Variants in DLGAP2 observed in about 807,000 individuals in gnomAD.
DLGAP2 encodes the protein disks large-associated protein 2.
DLGAP2 carries 26 observed loss-of-function variants against 100.3 expected under a neutral mutation model. The observed-to-expected ratio is 0.26, with a 90% CI of 0.19 to 0.36. DLGAP2 has a LOEUF of 0.36. Ranked by LOEUF, DLGAP2 falls within the 10% of genes least tolerant of loss-of-function variation. DLGAP2 has a pLI of 1.00. For synonymous variants in DLGAP2, 886 were observed against 630.1 expected (o/e 1.41, Z -6.08); for missense variants, 1,858 against 1,453.2 (o/e 1.28, Z -4.53).
intron 3 of DLGAP2, among the ~76,000 whole-genome samples, chr8:1,361,593 C>G (rs887154146): frequency 8.5e-5 from 13 of 152,222 alleles, no homozygotes; most frequent in African/African-American, 2.2e-4. Context: ...TGTTACTGAG[C>G]TTGATACATT....
At chr8:803,295 C>G (rs1796207162) in intron 1 of DLGAP2, among the ~76,000 whole-genome samples, 1 of 152,230 alleles carries the variant, frequency 6.6e-6, no homozygotes, top group African/African-American at 2.4e-5. Context: ...ATCTCTGCCT[C>G]TCTTCCTAGA....
At chr8:1,477,561 A>G (rs1443721294) in intron 3 of DLGAP2, among the ~76,000 whole-genome samples, 2 of 152,188 alleles carry the variant, frequency 1.3e-5, no homozygotes, top group African/African-American at 4.8e-5. Flanking sequence ...CCCGGTGGTC[A>G]TCTTCAGAGC....
chr8:1,135,757 C>T (rs999402560), intron 2 of DLGAP2, among the ~76,000 whole-genome samples: 1 of 151,996 alleles, frequency 6.6e-6, no homozygotes, highest in African/African-American at 2.4e-5. Flanking sequence ...AGAGGATGGC[C>T]ACTTTTGTGG....
In DLGAP2 at chr8:1,706,747, C is replaced by A. The variant is rs2972173; in HGVS notation, c.*5341C>A. On this transcript the variant is annotated 3_prime_UTR_variant, in exon 15 of 15. Coordinates refer to ENST00000637795, the MANE Select transcript of DLGAP2 (RefSeq NM_001346810.2). ...GAAGGAAAAAAAATTATTTGGAAGCCGAAAACCGCATGGGTGGGGAAACAT... is the reference window on the plus strand; with the variant it reads ...GAAGGAAAAAAAATTATTTGGAAGCAGAAAACCGCATGGGTGGGGAAACAT... 0.38 allele frequency: 57,021 copies of A among 151,668 alleles called. 12,072 individuals carry two copies. The highest frequency in any genetic ancestry group is 0.59 in the East Asian group (3,021 of 5,116). The allele number at this position is 151,668 out of a possible 1,614,324, so 9.4% of individuals were successfully genotyped here.
chr8:1,083,497 T>C (rs1470658345), intron 2 of DLGAP2, among the ~76,000 whole-genome samples: 1 of 152,244 alleles, frequency 6.6e-6, no homozygotes, highest in African/African-American at 2.4e-5. Flanking sequence ...CCCAAATTTA[T>C]GCTCTTGAGC....
intron 3 of DLGAP2, among the ~76,000 whole-genome samples, chr8:1,260,764 G>A (rs1799330492): frequency 6.6e-6 from 1 of 152,218 alleles, no homozygotes; most frequent in Non-Finnish European, 1.5e-5. Flanking sequence ...CTAGGTCATG[G>A]GATTGACTCT....
intron 4 of DLGAP2, among the ~76,000 whole-genome samples, chr8:1,537,663 G>T (rs1274697737): frequency 6.6e-6 from 1 of 151,934 alleles, no homozygotes; most frequent in African/African-American, 2.4e-5. Flanking sequence ...AACTCGTGAT[G>T]CCTGTGGCTT....
intron 2 of DLGAP2, among the ~76,000 whole-genome samples, chr8:1,020,048 A>T (rs1801585156): frequency 6.6e-6 from 1 of 152,264 alleles, no homozygotes. Flanking sequence ...AAATAAGTAG[A>T]TACATGCATT....
intron 2 of DLGAP2, among the ~76,000 whole-genome samples, chr8:1,113,656 G>C (rs1245001055): frequency 3.3e-5 from 5 of 152,102 alleles, no homozygotes; most frequent in Non-Finnish European, 7.4e-5. Context: ...GGGGTACTTT[G>C]ACTTCCTCTC....
intron 2 of DLGAP2, among the ~76,000 whole-genome samples, chr8:1,095,567 A>G (rs1804341525): frequency 6.6e-6 from 1 of 152,174 alleles, no homozygotes; most frequent in African/African-American, 2.4e-5. Flanking sequence ...GTCCACCGTC[A>G]ACACTGTTGT....
chr8:977,598 A>G (rs565775902), intron 2 of DLGAP2, among the ~76,000 whole-genome samples: 2 of 152,374 alleles, frequency 1.3e-5, no homozygotes, highest in East Asian at 3.9e-4. Flanking sequence ...TTTTAACAGG[A>G]TCCATATTTT....
chr8:1,605,252 G>A (rs1796758318), intron 6 of DLGAP2, among the ~76,000 whole-genome samples: 1 of 152,160 alleles, frequency 6.6e-6, no homozygotes, highest in African/African-American at 2.4e-5. Flanking sequence ...CTCCACTCCT[G>A]TGTTCTGGAC....
intron 2 of DLGAP2, among the ~76,000 whole-genome samples, chr8:975,964 A>T (rs527902262): frequency 1.3e-5 from 2 of 152,328 alleles, no homozygotes; most frequent in Non-Finnish European, 2.9e-5. Context: ...ATCAACAAAA[A>T]TTACCCTGAA....
chr8:1,361,835 C>T (rs986614244), intron 3 of DLGAP2, among the ~76,000 whole-genome samples: 6 of 152,336 alleles, frequency 3.9e-5, no homozygotes, highest in Non-Finnish European at 8.8e-5. Flanking sequence ...GTGCTCGCGG[C>T]GTCTTCTAGT....
intron 12 of DLGAP2, among the ~76,000 whole-genome samples, chr8:1,682,948 T>G (rs1338688042): frequency 2.0e-5 from 3 of 151,692 alleles, no homozygotes; most frequent in South Asian, 2.1e-4. Context: ...TTTTTTACCT[T>G]TTTTGAGCCA....
At chr8:810,619 C>T (rs1796353153) in intron 1 of DLGAP2, among the ~76,000 whole-genome samples, 1 of 152,296 alleles carries the variant, frequency 6.6e-6, no homozygotes, top group East Asian at 1.9e-4. Context: ...ATTCTGTTGC[C>T]ATTTTTAACA....
At chr8:1,458,844 A>G (rs1373440612) in intron 3 of DLGAP2, among the ~76,000 whole-genome samples, 1 of 152,202 alleles carries the variant, frequency 6.6e-6, no homozygotes, top group Non-Finnish European at 1.5e-5. Flanking sequence ...CAGGACAGAG[A>G]GCAGGGTCGG....
intron 1 of DLGAP2, among the ~76,000 whole-genome samples, chr8:881,766 C>T (rs1284839612): frequency 6.6e-6 from 1 of 151,494 alleles, no homozygotes; most frequent in African/African-American, 2.4e-5. Flanking sequence ...ATCCACCCGC[C>T]TCAGCCTCCC....
At chr8:1,573,768 G>A (rs114013122) in intron 6 of DLGAP2, among the ~76,000 whole-genome samples, 11,615 of 152,122 alleles carry the variant, frequency 0.076, 790 homozygotes, top group African/African-American at 0.19. Flanking sequence ...TGGTCATCAT[G>A]TTGCTGTGGG....
Sources: gnomAD v4.1 joint callset for allele counts (sites outside exome capture counted in the v4.1 genomes callset) on GRCh38, gnomAD v4.1.1 for gene constraint, MANE v1.5 for transcripts, NCBI Gene and HGNC (gene_info 2026-07-23, HGNC 2026-07-21) for gene names.